The following GRAMD4 variants were observed in gnomAD, a reference collection of about 807,000 sequenced individuals.
GRAMD4 encodes the protein GRAM domain containing 4, also known as GRAM domain-containing protein 4.
GRAMD4 carries 25 observed loss-of-function variants against 83.9 expected under a neutral mutation model. That is an observed-to-expected ratio of 0.30 (90% CI 0.22 to 0.42). The LOEUF (loss-of-function observed/expected upper bound fraction) is 0.42, where lower values mean the gene tolerates loss of function less well. Ranked by LOEUF, GRAMD4 falls within the 10% of genes least tolerant of loss-of-function variation. The pLI is 1.00. For missense variants in GRAMD4, 593 were observed against 788.7 expected, an observed-to-expected ratio of 0.75 and a Z score of 2.97; for synonymous variants, 336 against 320.9, an observed-to-expected ratio of 1.05 and a Z score of -0.50.
chr22:46,603,230 C>T (rs1186067657), intron 1 of GRAMD4, among the ~76,000 whole-genome samples: 26 of 101,152 alleles, frequency 2.6e-4, no homozygotes, highest in East Asian at 1.5e-3. Flanking sequence ...TTTTTTGAGA[C>T]GGAGTCTCGC....
chr22:46,645,644 C>T lies in GRAMD4; in HGVS notation c.283+7684C>T, dbSNP rs899702494. On this transcript the variant is annotated intron_variant, in intron 3 of 18. Coordinates refer to ENST00000406902, the MANE Select transcript of GRAMD4 (RefSeq NM_015124.5). ...AGGAGAGGAAATGGCCCAAGCGTGC[C>T]GCAGCCTTCTCTGATGATTAAATCC... is the stretch of plus-strand genomic sequence containing the variant. Among the ~76,000 whole-genome samples, 5 of 152,254 alleles carry T rather than the reference C, an allele frequency of 3.3e-5. 1 individual carries two copies. The highest frequency in any genetic ancestry group is 6.5e-5 in the Admixed American group (1 of 15,290).
chr22:46,612,707 G>T (rs1444229737), intron 1 of GRAMD4, among the ~76,000 whole-genome samples: 1 of 152,248 alleles, frequency 6.6e-6, no homozygotes, highest in African/African-American at 2.4e-5. Flanking sequence ...CCTGGTGCAA[G>T]GAACCTTACT....
intron 1 of GRAMD4, among the ~76,000 whole-genome samples, chr22:46,600,194 C>T (rs531399038): frequency 1.6e-4 from 25 of 152,266 alleles, no homozygotes; most frequent in Admixed American, 4.6e-4. Context: ...GACCAGTGCC[C>T]GCAGCTGTCA....
upstream of GRAMD4, among the ~76,000 whole-genome samples, chr22:46,619,601 G>A (rs1296032690): frequency 2.6e-5 from 4 of 152,156 alleles, no homozygotes; most frequent in Non-Finnish European, 5.9e-5. Context: ...GCTGGCGATG[G>A]GGTATTGGTA....
chr22:46,630,728 G>A (rs775546494), intron 2 of GRAMD4, among the ~76,000 whole-genome samples: 4 of 152,256 alleles, frequency 2.6e-5, no homozygotes, highest in Non-Finnish European at 5.9e-5. Context: ...CTGAGGGATC[G>A]CAGGTGCTTG....
intron 2 of GRAMD4, among the ~76,000 whole-genome samples, chr22:46,628,381 C>T (rs1297648593): frequency 1.3e-5 from 2 of 151,872 alleles, no homozygotes; most frequent in East Asian, 1.9e-4. Context: ...CAGGCAGGTT[C>T]GTGTCCTGCC....
At chr22:46,639,178 G>GTA (rs1032880690) in intron 3 of GRAMD4, among the ~76,000 whole-genome samples, 2 of 151,488 alleles carry the variant, frequency 1.3e-5, no homozygotes, top group African/African-American at 4.9e-5. Flanking sequence ...GTGTGTGTGT[G>GTA]TGTATGTACA....
At chr22:46,620,259 G>GGGCT, upstream of GRAMD4, 1 of 971,008 alleles carries the variant, frequency 1.0e-6, no homozygotes, top group Middle Eastern at 5.3e-4. The surrounding 1 kb of genome is among the most constrained non-coding windows in gnomAD (Gnocchi z 4.7). Context: ...TTGTGTTCCA[G>GGGCT]GGCTGGCTGG....
At chr22:46,668,241 G>A in intron 11 of GRAMD4, 74 bp downstream of exon 11, 2 of 1,054,762 alleles carry the variant, frequency 1.9e-6, no homozygotes, top group Non-Finnish European at 2.9e-6. Context: ...GTCTACGCCG[G>A]CCAGGGGTAG....
intron 2 of GRAMD4, among the ~76,000 whole-genome samples, chr22:46,637,016 C>T (rs1016970205): frequency 1.2e-4 from 18 of 152,338 alleles, no homozygotes; most frequent in African/African-American, 4.3e-4. Context: ...GACAAGGCCG[C>T]TGTTCGGAGT....
intron 14 of GRAMD4, among the ~76,000 whole-genome samples, chr22:46,673,441 G>T (rs1037455985): frequency 1.3e-5 from 2 of 152,262 alleles, no homozygotes; most frequent in East Asian, 1.9e-4. Flanking sequence ...GCAGGCCTCG[G>T]TGCTCCCTTC....
chr22:46,635,080 T>C (rs113413839), intron 2 of GRAMD4, among the ~76,000 whole-genome samples: 2,852 of 93,820 alleles, frequency 0.03, 59 homozygotes, highest in African/African-American at 0.056. Flanking sequence ...CACTCCTGTC[T>C]TGGGGAGCCG....
chr22:46,666,691 C>T, intron 9 of GRAMD4, 134 bp from the exon 10 acceptor site: 1 of 726,660 alleles, frequency 1.4e-6, no homozygotes. Flanking sequence ...GACCTTTTCT[C>T]CCCATTGGGC....
At chr22:46,583,549 ACT>A (rs1051527505) in intron 1 of GRAMD4, among the ~76,000 whole-genome samples, 1 of 152,158 alleles carries the variant, frequency 6.6e-6, no homozygotes, top group African/African-American at 2.4e-5. Context: ...AGTTTTGATA[ACT>A]CTGACAGTCT....
chr22:46,634,392 GAGA>G (rs1349951451), intron 2 of GRAMD4, among the ~76,000 whole-genome samples: 4 of 152,246 alleles, frequency 2.6e-5, no homozygotes, highest in African/African-American at 4.8e-5. Flanking sequence ...GGAGACAGAG[GAGA>G]AGAAGAGATA....
At chr22:46,648,745 T>TGGATGGATGGATGGATGGATGGATG (rs2082112023) in intron 3 of GRAMD4, among the ~76,000 whole-genome samples, 1 of 138,954 alleles carries the variant, frequency 7.2e-6, no homozygotes, top group African/African-American at 2.9e-5. Context: ...GATGGATGGA[T>TGGATGGATGGATGGATGGATGGATG]GCATGGATGG....
rs780903883 is a variant in GRAMD4 at position 46,665,604 on chromosome 22, C to G, written c.718-11C>G. 11 of 1,493,258 alleles carry G rather than the reference C, an allele frequency of 7.4e-6. No individual in the cohort carries two copies. Among genetic ancestry groups the G allele is most frequent in the Middle Eastern group, 1.9e-4 (1 of 5,330 alleles). 92.5% of individuals were successfully genotyped at this position (1,493,258 alleles called of 1,614,324 possible). ...TGTCAGGAGGTCTGACGCCCTGTCTCTCACCCGCAGGTGTACATGAATGCC... is the reference window on the plus strand; with the variant it reads ...TGTCAGGAGGTCTGACGCCCTGTCTGTCACCCGCAGGTGTACATGAATGCC... On this transcript the variant is annotated splice_polypyrimidine_tract_variant and intron_variant, in intron 8 of 18. Transcript: ENST00000406902.
chr22:46,630,918 CT>C (rs1336879422), intron 2 of GRAMD4, among the ~76,000 whole-genome samples: 3 of 148,110 alleles, frequency 2.0e-5, no homozygotes, highest in African/African-American at 7.4e-5. Flanking sequence ...CCCTCCATAG[CT>C]CCCTCGAGGG....
intron 1 of GRAMD4, among the ~76,000 whole-genome samples, chr22:46,600,659 G>T (rs374339943): frequency 6.6e-6 from 1 of 152,194 alleles, no homozygotes; most frequent in African/African-American, 2.4e-5. Flanking sequence ...GCTAAGCCCC[G>T]GTCGCAGAGC....
Sources: allele counts gnomAD v4.1 joint callset (sites outside exome capture counted in the v4.1 genomes callset), GRCh38; gene constraint gnomAD v4.1.1; non-coding constraint Gnocchi (gnomAD v3.1); transcripts MANE v1.5; gene names NCBI Gene and HGNC (gene_info 2026-07-23, HGNC 2026-07-21).